Variants in EPG5 observed in about 807,000 individuals in gnomAD.
EPG5 encodes ectopic P-granules 5 autophagy tethering factor, also known as ectopic P granules protein 5 homolog.
In EPG5, 159 loss-of-function variants were observed where a neutral mutation model predicts 302.7. The ratio of observed to expected loss-of-function variants is 0.53; its 90% CI spans 0.46 to 0.60. EPG5 has a LOEUF of 0.60. EPG5 is among the 20% of genes least tolerant of loss of function. The pLI, the probability that EPG5 is intolerant of heterozygous loss-of-function variation, is 0.00. For synonymous variants in EPG5, 1,158 were observed against 1,136.8 expected (o/e 1.02, Z -0.37); for missense variants, 2,896 against 3,092.4 (o/e 0.94, Z 1.51).
chr18:45,879,382 T>C (rs955615384), intron 32 of EPG5, among the ~76,000 whole-genome samples, 168 bp from the exon 33 acceptor site: 3 of 152,216 alleles, frequency 2.0e-5, no homozygotes, highest in Non-Finnish European at 4.4e-5. Context: ...TTTGTTTTTG[T>C]TTTGAGGTAG....
At chr18:45,946,636 C>T (rs1225456753) in intron 7 of EPG5, 27 bp downstream of exon 7, 3 of 1,540,678 alleles carry the variant, frequency 1.9e-6, no homozygotes, top group Non-Finnish European at 2.7e-6. Context: ...AATGATTCAT[C>T]AAAATAATGC....
chr18:45,877,250 AT>A (rs1472444258), intron 34 of EPG5, among the ~76,000 whole-genome samples: 12 of 152,046 alleles, frequency 7.9e-5, no homozygotes, highest in East Asian at 3.9e-4. Context: ...TACAAAAAAA[AT>A]AAAAATTAAA....
At chr18:45,842,425 G>C in the EPG5 span, 1 of 332,676 alleles carries the variant, frequency 3.0e-6, no homozygotes, top group East Asian at 4.8e-5. Flanking sequence ...GCATACGTCT[G>C]TGTGTGTGTG....
In EPG5 at chr18:45,954,451, A is replaced by G; in HGVS notation, c.951T>C (p.Asp317=). 1 of 1,614,100 alleles carries G rather than the reference A, an allele frequency of 6.2e-7. No individual in the cohort carries two copies. The highest frequency in any genetic ancestry group is 8.5e-7 in the Non-Finnish European group (1 of 1,179,990). ...ACAGCCGACTTTTAGCATTTTGGCA[A>G]TCAGATGTCAGAGTAAGCAGCTCAG... ...AEAELLTLTS[D]CQNAKSRLWQ... is the part of the protein sequence containing the mutation. Residue 317 remains aspartate (D), a synonymous_variant, in exon 2 of 44, where the codon GAT becomes GAC. Coordinates refer to ENST00000282041, the MANE Select transcript of EPG5 (RefSeq NM_020964.3).
chr18:45,880,457 G>C (rs1233398500), intron 31 of EPG5, among the ~76,000 whole-genome samples: 2 of 152,192 alleles, frequency 1.3e-5, no homozygotes, highest in East Asian at 1.9e-4. Flanking sequence ...AGTGAGCGCT[G>C]CTGAAGCTGG....
At chr18:45,882,730 G>A (rs1024676456) in intron 30 of EPG5, among the ~76,000 whole-genome samples, 1 of 152,156 alleles carries the variant, frequency 6.6e-6, no homozygotes, top group East Asian at 1.9e-4. Flanking sequence ...TAATTGGGTC[G>A]GGTGCGGTGG....
At chr18:45,965,189 T>C (rs2143946530) in intron 1 of EPG5, among the ~76,000 whole-genome samples, 1 of 152,066 alleles carries the variant, frequency 6.6e-6, no homozygotes, top group Middle Eastern at 3.4e-3. Context: ...CTAAGCAAAT[T>C]AATGCAGAAA....
chr18:45,886,906 C>A (rs762763357), intron 29 of EPG5, among the ~76,000 whole-genome samples: 1 of 152,144 alleles, frequency 6.6e-6, no homozygotes, highest in Admixed American at 6.5e-5. Flanking sequence ...GATCTGCCCA[C>A]CTCAGCCTCC....
rs371309452 is a variant in EPG5 at position 45,852,586 on chromosome 18, A to G, written c.7621T>C (p.Leu2541=). 215 of 1,614,178 alleles carry G rather than the reference A, an allele frequency of 1.3e-4. 1 individual carries two copies. The African/African-American group carries it at 2.7e-3, about 20-fold the overall frequency. ...TGCCTTATAAATTGGGTGGCTTGCA[A>G]TATTTGATCCTGGTATTCAACATAC... ...KQYVEYQDQI[L]QATQFIRHPG... Residue 2541 remains leucine, a synonymous_variant, in exon 44 of 44, where the codon TTG becomes CTG. Transcript: ENST00000282041.
Position 45,887,811 on chromosome 18 carries a change from C to T in EPG5, c.5049G>A (p.Glu1683=). 6.2e-7 allele frequency: 1 copy of T among 1,604,346 alleles called. No individual in the cohort carries two copies. Among genetic ancestry groups the T allele is most frequent in the Non-Finnish European group, 8.5e-7 (1 of 1,172,598 alleles). The change falls in exon 29 of 44, where the codon GAG becomes GAA. Residue 1683 remains glutamate (E), a synonymous_variant. Transcript: ENST00000282041. The part of the protein sequence containing the change: ...FFTIVDYVSD[E]TQRHPPTRQF... Reference sequence around the variant, plus strand: ...GCCTTGTTGGGGGATGACGCTGCGTCTCATCGCTGACGTAATCCACAATAG... The same window carrying T: ...GCCTTGTTGGGGGATGACGCTGCGTTTCATCGCTGACGTAATCCACAATAG...
the EPG5 span, chr18:45,839,162 C>T: frequency 1.5e-6 from 2 of 1,338,758 alleles, no homozygotes; most frequent in South Asian, 2.0e-5. Context: ...TTAGATAAGA[C>T]CACCTGGCTG....
Position 45,916,048 on chromosome 18 carries a change from C to T in EPG5, c.3543G>A (p.Gln1181=). ...HLCKAAFQLM[Q]EDCIQKLLYQ... Reference sequence around the variant, plus strand: ...AGAGTAATTTCTGTATGCAGTCTTCCTGCATCAGCTGAAAAGCTGCTTTAC... The same window carrying T: ...AGAGTAATTTCTGTATGCAGTCTTCTTGCATCAGCTGAAAAGCTGCTTTAC... Residue 1181 remains glutamine, a synonymous_variant, in exon 19 of 44, where the codon CAG becomes CAA. Coordinates refer to ENST00000282041, the MANE Select transcript of EPG5 (RefSeq NM_020964.3). The T allele has an allele frequency of 6.2e-7, 1 of 1,613,696 alleles. No individual in the cohort carries two copies. The highest frequency in any genetic ancestry group is 1.1e-5 in the South Asian group (1 of 91,032).
At chr18:45,871,994 G>C (rs1013605800) in intron 35 of EPG5, among the ~76,000 whole-genome samples, 1 of 152,166 alleles carries the variant, frequency 6.6e-6, no homozygotes, top group African/African-American at 2.4e-5. Context: ...TAATTATCTT[G>C]ATTTAATCAT....
chr18:45,841,583 A>G, the EPG5 span, among the ~76,000 whole-genome samples: 120,348 of 151,994 alleles, frequency 0.79, 48,502 homozygotes, highest in African/African-American at 0.94. Flanking sequence ...GCGGTGGGGA[A>G]GTGGGTAGAC....
Position 45,876,281 on chromosome 18 carries a change from G to A in EPG5, c.6004C>T (p.Gln2002Ter), listed in dbSNP as rs773417279. The change falls in exon 35 of 44, where the codon CAG (glutamine) becomes TAG (stop). Residue 2002 changes from glutamine to a stop codon, truncating the protein, a stop_gained. Coordinates refer to ENST00000282041, the MANE Select transcript of EPG5 (RefSeq NM_020964.3). LOFTEE classifies it high-confidence loss of function. Reference sequence around the variant, plus strand: ...GAGTCAATACAGTCAGTGAACAGCTGCACAATGCTTGAGGCCACCACAGTA... The same window carrying A: ...GAGTCAATACAGTCAGTGAACAGCTACACAATGCTTGAGGCCACCACAGTA... ...SDTVVASSIV[Q>*]LFTDCIDSLH... 6.2e-7 allele frequency: 1 copy of A among 1,614,094 alleles called. No individual in the cohort carries two copies. Among genetic ancestry groups the A allele is most frequent in the Non-Finnish European group, 8.5e-7 (1 of 1,179,976 alleles).
chr18:45,852,570 A>C lies in EPG5; in HGVS notation c.7637T>G (p.Phe2546Cys). 1 of 1,614,182 alleles carries C rather than the reference A, an allele frequency of 6.2e-7. No individual in the cohort carries two copies. Among genetic ancestry groups the C allele is most frequent in the Non-Finnish European group, 8.5e-7 (1 of 1,179,994 alleles). Residue 2546 changes from phenylalanine (F) to cysteine (C), a missense_variant, in exon 44 of 44, where the codon TTT becomes TGT. By Grantham distance (205) the Phe-to-Cys change is radical. Around this residue, in one of 5 missense-constraint regions of EPG5, gnomAD observed 620 missense variants for 704.2 expected, o/e 0.88. Coordinates refer to ENST00000282041, the MANE Select transcript of EPG5 (RefSeq NM_020964.3). ...AAGGCAATGGCCAGGATGCCTTATAAATTGGGTGGCTTGCAATATTTGATC... is the reference window on the plus strand; with the variant it reads ...AAGGCAATGGCCAGGATGCCTTATACATTGGGTGGCTTGCAATATTTGATC... ...YQDQILQATQFIRHPGHCLQD... is the reference protein window; with the variant it reads ...YQDQILQATQCIRHPGHCLQD...
In EPG5 at chr18:45,946,650, T is replaced by TA. The variant is rs1702825340; in HGVS notation, c.1677+12dup. On this transcript the variant is annotated intron_variant, in intron 7 of 43. Coordinates refer to ENST00000282041, the MANE Select transcript of EPG5 (RefSeq NM_020964.3). ...CAATGATTCATCAAAATAATGCAGA[T>TA]ATGACAAGTTACCTCTTCTCCTCCT... is the stretch of plus-strand genomic sequence containing the variant. 1 of 1,589,048 alleles carries TA rather than the reference T, an allele frequency of 6.3e-7. No individual in the cohort carries two copies.
the EPG5 span, chr18:45,837,147 AGATCCCAG>A: frequency 5.0e-6 from 8 of 1,602,054 alleles, no homozygotes; most frequent in Non-Finnish European, 6.8e-6. Context: ...TTTAACCACG[AGATCCCAG>A]GGTTTTTCCA....
Position 45,848,417 on chromosome 18 carries a change from G to C in EPG5, c.*4050C>G, listed in dbSNP as rs559608039. 1 of 152,378 alleles carries C rather than the reference G, an allele frequency of 6.6e-6. No individual in the cohort carries two copies. Among genetic ancestry groups the C allele is most frequent in the African/African-American group, 2.4e-5 (1 of 41,586 alleles). The allele number at this position is 152,378 out of a possible 1,614,324, so 9.4% of individuals were successfully genotyped here. A position where few individuals can be genotyped will look rare whatever the true frequency, so the allele number is the denominator to read the frequency against. On this transcript the variant is annotated 3_prime_UTR_variant, in exon 44 of 44. Transcript: ENST00000282041. ...CTTGGGCAACAACTGATATTAAGCT[G>C]AGGTCTGCAGTCTCAACTTGCCACT...
Sources: allele counts gnomAD v4.1 joint callset (sites outside exome capture counted in the v4.1 genomes callset), GRCh38; gene constraint gnomAD v4.1.1; regional missense constraint gnomAD v4.1.1; transcripts MANE v1.5; gene names NCBI Gene and HGNC (gene_info 2026-07-23, HGNC 2026-07-21).